DOCK3: variants seen among roughly 807,000 people sequenced by gnomAD.
DOCK3 encodes the protein dedicator of cytokinesis protein 3.
A neutral mutation model predicts 265.6 loss-of-function variants in DOCK3; 60 were observed. That is an observed-to-expected ratio of 0.23 (90% CI 0.18 to 0.28). DOCK3 has a LOEUF of 0.28. DOCK3 is among the 10% of genes least tolerant of loss of function. The pLI, the probability that DOCK3 is intolerant of heterozygous loss-of-function variation, is 1.00. For synonymous variants in DOCK3, 881 were observed against 938.0 expected (o/e 0.94, Z 1.11); for missense variants, 1,981 against 2,594.3 (o/e 0.76, Z 5.14).
intron 9 of DOCK3, among the ~76,000 whole-genome samples, chr3:51,144,041 A>G (rs1265157928): frequency 2.6e-5 from 4 of 152,226 alleles, no homozygotes; most frequent in Non-Finnish European, 5.9e-5. Flanking sequence ...AATTTTTATA[A>G]GCAAGGGTCA....
intron 21 of DOCK3, among the ~76,000 whole-genome samples, chr3:51,239,260 A>C (rs2078489485): frequency 6.7e-6 from 1 of 148,886 alleles, no homozygotes; most frequent in Non-Finnish European, 1.5e-5. Flanking sequence ...CCTAGGATGG[A>C]GTAGAGTGGC....
At chr3:51,096,425 A>T (rs2082859052) in intron 9 of DOCK3, among the ~76,000 whole-genome samples, 1 of 151,246 alleles carries the variant, frequency 6.6e-6, no homozygotes, top group South Asian at 2.1e-4. Context: ...CTTCCACTTG[A>T]TCAATTCGGC....
chr3:50,747,843 G>A (rs894326591), intron 1 of DOCK3, among the ~76,000 whole-genome samples: 54 of 148,858 alleles, frequency 3.6e-4, no homozygotes, highest in Non-Finnish European at 6.8e-4. Context: ...CCACCTGGGT[G>A]ACAGAGCAAG....
chr3:50,686,752 T>C (rs1027474834), intron 1 of DOCK3, among the ~76,000 whole-genome samples: 2 of 150,492 alleles, frequency 1.3e-5, no homozygotes, highest in African/African-American at 4.9e-5. Flanking sequence ...CTACTAAAAA[T>C]ACAAAAATTA....
At chr3:50,877,159 AC>A in intron 3 of DOCK3, 1 of 285,794 alleles carries the variant, frequency 3.5e-6, no homozygotes, top group Non-Finnish European at 7.0e-6. Context: ...TGGGAAAGCC[AC>A]CTGGAAAAGA....
At chr3:50,903,106 G>A (rs2049288387) in intron 4 of DOCK3, among the ~76,000 whole-genome samples, 1 of 152,134 alleles carries the variant, frequency 6.6e-6, no homozygotes, top group African/African-American at 2.4e-5. Flanking sequence ...ATGGGATCAC[G>A]TTATCTGCAA....
At chr3:51,233,720 G>A (rs2078236617) in intron 19 of DOCK3, among the ~76,000 whole-genome samples, 1 of 152,124 alleles carries the variant, frequency 6.6e-6, no homozygotes, top group African/African-American at 2.4e-5. Context: ...CACCACTTTG[G>A]TTAGATGTAT....
chr3:50,847,806 C>T (rs1232103396), intron 3 of DOCK3, among the ~76,000 whole-genome samples: 1 of 143,354 alleles, frequency 7.0e-6, no homozygotes, highest in South Asian at 2.2e-4. Flanking sequence ...ATTGCTTGAA[C>T]CCAGAGGCAG....
intron 4 of DOCK3, among the ~76,000 whole-genome samples, chr3:50,894,014 A>C (rs2048773614): frequency 6.6e-6 from 1 of 150,778 alleles, no homozygotes; most frequent in Non-Finnish European, 1.5e-5. Context: ...TAGCATTAGG[A>C]GATATACCTA....
intron 27 of DOCK3, among the ~76,000 whole-genome samples, chr3:51,303,662 C>G (rs560122979): frequency 1.3e-5 from 2 of 152,276 alleles, no homozygotes; most frequent in South Asian, 4.1e-4. Flanking sequence ...CAATTAAGCC[C>G]CTTTTTGTAG....
At chr3:51,275,423 A>G (rs548927495) in intron 25 of DOCK3, among the ~76,000 whole-genome samples, 1 of 152,320 alleles carries the variant, frequency 6.6e-6, no homozygotes, top group African/African-American at 2.4e-5. Flanking sequence ...GCACTACCAT[A>G]AATCTACCCA....
At chr3:51,003,623 C>G (rs967574263) in intron 5 of DOCK3, among the ~76,000 whole-genome samples, 14 of 152,124 alleles carry the variant, frequency 9.2e-5, no homozygotes, top group African/African-American at 3.4e-4. Flanking sequence ...TAACATTTAC[C>G]CATTTTCTAT....
At chr3:51,238,434 G>T (rs756816961) in intron 21 of DOCK3, among the ~76,000 whole-genome samples, 1 of 151,946 alleles carries the variant, frequency 6.6e-6, no homozygotes, top group Admixed American at 6.6e-5. Context: ...GAGCCACCGC[G>T]CCTGGCTGGG....
At chr3:51,157,305 G>A (rs1399885921) in intron 10 of DOCK3, among the ~76,000 whole-genome samples, 1 of 151,904 alleles carries the variant, frequency 6.6e-6, no homozygotes. Flanking sequence ...GAGTACAGTG[G>A]CACAATCTGG....
chr3:50,859,072 T>C (rs539212454), intron 3 of DOCK3, among the ~76,000 whole-genome samples: 1 of 152,208 alleles, frequency 6.6e-6, no homozygotes, highest in African/African-American at 2.4e-5. Flanking sequence ...GTGGTTCTTA[T>C]TTTCCTTGGG....
chr3:51,286,570 C>T (rs1374873743), intron 27 of DOCK3, among the ~76,000 whole-genome samples: 2 of 152,146 alleles, frequency 1.3e-5, no homozygotes, highest in Non-Finnish European at 2.9e-5. Flanking sequence ...TCAAACTATA[C>T]TACAAGGCTA....
intron 5 of DOCK3, among the ~76,000 whole-genome samples, chr3:51,007,144 T>C (rs1023348898): frequency 2.0e-5 from 3 of 152,218 alleles, no homozygotes; most frequent in African/African-American, 4.8e-5. Flanking sequence ...TACCCAGTAA[T>C]GGGATGGCTG....
At chr3:51,188,068 G>T (rs781565687) in intron 12 of DOCK3, among the ~76,000 whole-genome samples, 2 of 152,124 alleles carry the variant, frequency 1.3e-5, no homozygotes, top group Non-Finnish European at 2.9e-5. Context: ...GATGAACAAC[G>T]GAGCCTTCCT....
At chr3:50,695,958 A>G (rs1479171121) in intron 1 of DOCK3, among the ~76,000 whole-genome samples, 1 of 152,238 alleles carries the variant, frequency 6.6e-6, no homozygotes, top group Non-Finnish European at 1.5e-5. Context: ...AGTGATGTAC[A>G]GAAAATGAAG....
Sources: allele counts gnomAD v4.1 joint callset (sites outside exome capture counted in the v4.1 genomes callset), GRCh38; gene constraint gnomAD v4.1.1; transcripts MANE v1.5; gene names NCBI Gene and HGNC (gene_info 2026-07-23, HGNC 2026-07-21).